Variants in SENP5 observed in about 807,000 individuals in gnomAD.
The protein encoded by SENP5 is SUMO specific peptidase 5.
In SENP5, 21 loss-of-function variants were observed where a neutral mutation model predicts 74.2. The ratio of observed to expected loss-of-function variants is 0.28; its 90% CI spans 0.20 to 0.41. The LOEUF (loss-of-function observed/expected upper bound fraction) is 0.41. Ranked by LOEUF, SENP5 falls within the 10% of genes least tolerant of loss-of-function variation. SENP5 has a pLI of 1.00. For synonymous variants in SENP5, 311 were observed against 312.7 expected (o/e 0.99, Z 0.06); for missense variants, 717 against 889.1 (o/e 0.81, Z 2.46).
At chr3:196,894,926 C>T (rs746992746) in intron 2 of SENP5, among the ~76,000 whole-genome samples, 7 of 152,172 alleles carry the variant, frequency 4.6e-5, no homozygotes, top group African/African-American at 7.2e-5. Flanking sequence ...GACTTCCTGT[C>T]CCTTAGTCAT....
In SENP5 at chr3:196,881,413, C is replaced by A. The variant is rs73891555; in HGVS notation, c.-31-3738C>A. On this transcript the variant is annotated intron_variant, in intron 1 of 9. Transcript: ENST00000323460. The stretch of plus-strand genomic sequence containing the variant: ...TTATTAAATGTTACCAGATTACCCT[C>A]CAAAAAGATTGGATCAATTTGTAGT... 7.1e-3 allele frequency among the ~76,000 whole-genome samples: 1,076 copies of A among 152,214 alleles called. 7 individuals are homozygous for A. The highest frequency in any genetic ancestry group is 0.025 in the African/African-American group (1,020 of 41,538).
In SENP5 at chr3:196,886,634, G is replaced by A. The variant is rs766562131; in HGVS notation, c.1453G>A (p.Gly485Arg). 3 of 1,606,414 alleles carry A rather than the reference G, an allele frequency of 1.9e-6. No individual in the cohort carries two copies. In the East Asian group the frequency reaches 6.7e-5, roughly 36 times the overall value. Residue 485 changes from glycine to arginine, a missense_variant, in exon 2 of 10, where the codon GGA (glycine) becomes AGA (arginine). By Grantham distance (125) the Gly-to-Arg change is moderately radical. Coordinates refer to ENST00000323460, the MANE Select transcript of SENP5 (RefSeq NM_152699.5). ...CAAACTAGAAAATCAAGTAGGAGGTGGAAAGAACAGTCAGAAAGCCTCTCC... is the reference window on the plus strand; with the variant it reads ...CAAACTAGAAAATCAAGTAGGAGGTAGAAAGAACAGTCAGAAAGCCTCTCC... ...GLKLENQVGG[G>R]KNSQKASPVD... is the part of the protein sequence containing the mutation.
chr3:196,925,269 C>T (rs887336518), intron 7 of SENP5, among the ~76,000 whole-genome samples: 6 of 151,588 alleles, frequency 4.0e-5, no homozygotes, highest in African/African-American at 1.5e-4. Flanking sequence ...ATCAAGTTTT[C>T]GAAATCCACA....
chr3:196,904,734 A>G (rs1030913970), intron 6 of SENP5, among the ~76,000 whole-genome samples: 1 of 152,232 alleles, frequency 6.6e-6, no homozygotes, highest in South Asian at 2.1e-4. Flanking sequence ...GGTTGCAGTG[A>G]GCCGAGATTG....
chr3:196,930,185 G>A (rs910871082), intron 9 of SENP5, among the ~76,000 whole-genome samples: 2 of 152,168 alleles, frequency 1.3e-5, no homozygotes, highest in African/African-American at 4.8e-5. Flanking sequence ...TGAATTTAGA[G>A]ATTTGCAAAG....
In SENP5 at chr3:196,931,236, G is replaced by A; in HGVS notation, c.*313G>A. 1 of 211,032 alleles carries A rather than the reference G, an allele frequency of 4.7e-6. No individual in the cohort carries two copies. The highest frequency in any genetic ancestry group is 9.5e-6 in the Non-Finnish European group (1 of 105,382). The allele number at this position is 211,032 out of a possible 1,614,324, so 13.1% of individuals were successfully genotyped here. On this transcript the variant is annotated 3_prime_UTR_variant, in exon 10 of 10. Coordinates refer to ENST00000323460, the MANE Select transcript of SENP5 (RefSeq NM_152699.5). ...TTAAAAAAAAAAGCTTAGTAGATTTGGTGCAGCTTTTGAAACTTAGTTAGA... is the reference window on the plus strand; with the variant it reads ...TTAAAAAAAAAAGCTTAGTAGATTTAGTGCAGCTTTTGAAACTTAGTTAGA...
At position 196,930,118 on chromosome 3, in the gene SENP5, A is replaced by G. The variant is rs374476084; in HGVS notation, c.2157+435A>G. ...ATCTCCTTAGAGATCGAAAAGGGCTATGGAAAAAAATTCAGTTATACATAT... is the reference window on the plus strand; with the variant it reads ...ATCTCCTTAGAGATCGAAAAGGGCTGTGGAAAAAAATTCAGTTATACATAT... On this transcript the variant is annotated intron_variant, in intron 9 of 9. Coordinates refer to ENST00000323460, the MANE Select transcript of SENP5 (RefSeq NM_152699.5). 3.9e-5 allele frequency among the ~76,000 whole-genome samples: 6 copies of G among 152,288 alleles called. No homozygotes were observed. The East Asian group carries it at 1.2e-3, about 29-fold the overall frequency.
chr3:196,918,814 C>T (rs936212379), intron 6 of SENP5, among the ~76,000 whole-genome samples: 1 of 151,880 alleles, frequency 6.6e-6, no homozygotes, highest in African/African-American at 2.4e-5. Context: ...GCTGGAAAAA[C>T]CAGAACTCCT....
At position 196,886,453 on chromosome 3, in the gene SENP5, C is replaced by T. The variant is rs150802546; in HGVS notation, c.1272C>T (p.Ser424=). Residue 424 remains serine (S), a synonymous_variant, in exon 2 of 10, where the codon AGC becomes AGT. Coordinates refer to ENST00000323460, the MANE Select transcript of SENP5 (RefSeq NM_152699.5). ...SVSGADTSVS[S]VDGPVSQKAV... The stretch of plus-strand genomic sequence containing the variant: ...CTGGAGCAGATACATCTGTGAGTAG[C>T]GTAGATGGGCCTGTGTCCCAAAAGG... 4.3e-6 allele frequency: 7 copies of T among 1,609,502 alleles called. No individual in the cohort carries two copies. The highest frequency in any genetic ancestry group is 4.5e-5 in the East Asian group (2 of 44,856).
chr3:196,915,245 C>T lies in SENP5; in HGVS notation c.1885-8169C>T, dbSNP rs532275225. Among the ~76,000 whole-genome samples, 175 of 152,342 alleles carry T rather than the reference C, an allele frequency of 1.1e-3. 1 individual carries two copies. In the Middle Eastern group the frequency reaches 0.014, roughly 12 times the overall value. ...ATTTGGGGTGCACACAACTCAGACACCAGCTCTGGTAGTGAAGGGATTGCC... is the reference window on the plus strand; with the variant it reads ...ATTTGGGGTGCACACAACTCAGACATCAGCTCTGGTAGTGAAGGGATTGCC... On this transcript the variant is annotated intron_variant, in intron 6 of 9. Coordinates refer to ENST00000323460, the MANE Select transcript of SENP5 (RefSeq NM_152699.5).
chr3:196,881,483 ATG>A (rs1191994495), intron 1 of SENP5, among the ~76,000 whole-genome samples: 1 of 152,164 alleles, frequency 6.6e-6, no homozygotes, highest in African/African-American at 2.4e-5. Context: ...CACCAAGAGA[ATG>A]TGTTATAATT....
chr3:196,894,453 A>G (rs1038597848), intron 2 of SENP5, among the ~76,000 whole-genome samples: 23 of 151,950 alleles, frequency 1.5e-4, no homozygotes, highest in African/African-American at 5.1e-4. Context: ...AGTGCTTTGG[A>G]AAAAAGTTAA....
intron 6 of SENP5, among the ~76,000 whole-genome samples, chr3:196,911,678 T>C (rs561331449): frequency 6.8e-6 from 1 of 148,104 alleles, no homozygotes; most frequent in East Asian, 1.9e-4. Context: ...GTTGTGGTGG[T>C]GGGGGCCTGT....
intron 2 of SENP5, among the ~76,000 whole-genome samples, chr3:196,895,582 T>G (rs1714410539): frequency 6.6e-6 from 1 of 151,806 alleles, no homozygotes; most frequent in African/African-American, 2.4e-5. Context: ...AGTGCCGTGG[T>G]GGGATCTTGG....
intron 1 of SENP5, among the ~76,000 whole-genome samples, chr3:196,884,402 A>C (rs544159379): frequency 2.9e-4 from 44 of 152,354 alleles, no homozygotes; most frequent in Admixed American, 4.6e-4. Flanking sequence ...AATCCAAACA[A>C]TAACTTCCCC....
At chr3:196,873,625 G>A (rs1319074097) in intron 1 of SENP5, among the ~76,000 whole-genome samples, 4 of 151,576 alleles carry the variant, frequency 2.6e-5, no homozygotes. Context: ...TGGATTGCGA[G>A]GTCAGGAGAT....
Position 196,893,279 on chromosome 3 carries a change from T to C in SENP5, c.1514-6387T>C, listed in dbSNP as rs1327601811. Reference sequence around the variant, plus strand: ...TTTATAATCTTATATTGATAAGACATTTTTGCCCATAATAGGAAGCTCAGA... The same window carrying C: ...TTTATAATCTTATATTGATAAGACACTTTTGCCCATAATAGGAAGCTCAGA... On this transcript the variant is annotated intron_variant, in intron 2 of 9. Coordinates refer to ENST00000323460, the MANE Select transcript of SENP5 (RefSeq NM_152699.5). Among the ~76,000 whole-genome samples, 7 of 152,200 alleles carry C rather than the reference T, an allele frequency of 4.6e-5. No individual in the cohort carries two copies. In the South Asian group the frequency reaches 8.3e-4, roughly 18 times the overall value.
chr3:196,870,354 T>C (rs1000471058), intron 1 of SENP5, among the ~76,000 whole-genome samples: 6 of 152,174 alleles, frequency 3.9e-5, no homozygotes, highest in African/African-American at 1.2e-4. Flanking sequence ...ACTTTCTCTT[T>C]TAGGGAAATA....
At chr3:196,920,651 A>G (rs1244426998) in intron 6 of SENP5, among the ~76,000 whole-genome samples, 1 of 152,226 alleles carries the variant, frequency 6.6e-6, no homozygotes, top group Non-Finnish European at 1.5e-5. Flanking sequence ...TGTCAGCTGT[A>G]GGCTTTCCTA....
Sources: allele counts gnomAD v4.1 joint callset (sites outside exome capture counted in the v4.1 genomes callset), GRCh38; gene constraint gnomAD v4.1.1; transcripts MANE v1.5; gene names NCBI Gene and HGNC (gene_info 2026-07-23, HGNC 2026-07-21).